Variants in CHRM5 observed in about 807,000 individuals in gnomAD.
CHRM5 encodes the protein muscarinic acetylcholine receptor M5.
A neutral mutation model predicts 39.0 loss-of-function variants in CHRM5; 18 were observed. The ratio of observed to expected loss-of-function variants is 0.46; its 90% CI spans 0.32 to 0.68. CHRM5 has a LOEUF of 0.68. Among genes scored for constraint, CHRM5 ranks in the 30% least tolerant of loss-of-function variants. The probability of loss-of-function intolerance (pLI) is 0.04; values close to 1 mark genes in which losing one functional copy is unlikely to be tolerated. For synonymous variants in CHRM5, 241 were observed against 246.3 expected (o/e 0.98, Z 0.20); for missense variants, 515 against 651.1 (o/e 0.79, Z 2.28).
At chr15:34,020,707 A>ACTTAC (rs1487876265) in intron 1 of CHRM5, among the ~76,000 whole-genome samples, 1 of 152,216 alleles carries the variant, frequency 6.6e-6, no homozygotes, top group East Asian at 1.9e-4. Context: ...CCCTTGACTG[A>ACTTAC]ATTACGACCT....
At chr15:33,977,700 A>G (rs1307817811) in intron 1 of CHRM5, among the ~76,000 whole-genome samples, 1 of 152,172 alleles carries the variant, frequency 6.6e-6, no homozygotes, top group Non-Finnish European at 1.5e-5. Flanking sequence ...AACGTTCTCT[A>G]TTACACTCTA....
At chr15:34,038,689 G>A (rs1361223965) in intron 1 of CHRM5, 2 of 1,075,876 alleles carry the variant, frequency 1.9e-6, no homozygotes, top group Non-Finnish European at 2.3e-6. Context: ...GCGCGCGCCT[G>A]GCACGCTCTC....
In CHRM5 at chr15:34,023,486, C is replaced by G. The variant is rs530455518; in HGVS notation, c.-407-23054C>G. Among the ~76,000 whole-genome samples, 36 of 152,310 alleles carry G rather than the reference C, an allele frequency of 2.4e-4. No homozygotes were observed. In the South Asian group the frequency reaches 7.5e-3, roughly 32 times the overall value. ...CAGGCGCAGCCCACCTCTCACCTTC[C>G]TCTTGATGATGCTGTCAGGGTAGAG... On this transcript the variant is annotated intron_variant, in intron 1 of 2. Transcript: ENST00000383263.
At chr15:34,003,134 C>T (rs373290673) in intron 1 of CHRM5, 2 of 1,613,854 alleles carry the variant, frequency 1.2e-6, no homozygotes, top group African/African-American at 1.3e-5. Context: ...CAGTTAGAGA[C>T]AATCTTTCTT....
intron 1 of CHRM5, among the ~76,000 whole-genome samples, chr15:34,000,163 G>T (rs2140613177): frequency 6.6e-6 from 1 of 152,152 alleles, no homozygotes; most frequent in South Asian, 2.1e-4. Flanking sequence ...AAGACCCCTG[G>T]CTACTTCTAA....
intron 1 of CHRM5, among the ~76,000 whole-genome samples, chr15:33,970,485 T>C (rs551975784): frequency 1.3e-5 from 2 of 152,060 alleles, no homozygotes; most frequent in South Asian, 4.2e-4. Flanking sequence ...ATACCAGACA[T>C]AACTAAAAGT....
intron 1 of CHRM5, among the ~76,000 whole-genome samples, chr15:33,995,713 G>A (rs1018314970): frequency 3.9e-5 from 6 of 152,208 alleles, no homozygotes; most frequent in Admixed American, 1.3e-4. Flanking sequence ...CCATTAGTGG[G>A]ACATTATATC....
Position 34,004,640 on chromosome 15 carries a change from T to C in CHRM5, c.-408+35490T>C, listed in dbSNP as rs1043013678. Among the ~76,000 whole-genome samples, 13 of 152,270 alleles carry C rather than the reference T, an allele frequency of 8.5e-5. 1 individual carries two copies. The highest frequency in any genetic ancestry group is 3.9e-4 in the Admixed American group (6 of 15,288). Reference sequence around the variant, plus strand: ...CTTTTAGATATAAACACTGAACTCTTTATGGATGAAAAGATAGGACATGTG... The same window carrying C: ...CTTTTAGATATAAACACTGAACTCTCTATGGATGAAAAGATAGGACATGTG... On this transcript the variant is annotated intron_variant, in intron 1 of 2. Transcript: ENST00000383263.
chr15:34,038,296 T>C (rs934311241), intron 1 of CHRM5, among the ~76,000 whole-genome samples: 9 of 152,218 alleles, frequency 5.9e-5, no homozygotes, highest in African/African-American at 1.7e-4. Flanking sequence ...ATTATGCGCC[T>C]ACTGTGTACT....
chr15:34,062,496 A>G, intron 2 of CHRM5, 147 bp from the exon 3 acceptor site: 1 of 465,452 alleles, frequency 2.1e-6, no homozygotes, highest in Non-Finnish European at 3.7e-6. Context: ...CGGAGCTTGT[A>G]GAGAGCTGAG....
At position 34,065,696 on chromosome 15, in the gene CHRM5, C is replaced by T. The variant is rs2140851367; in HGVS notation, c.*1380C>T. ...ACAGCATGAGGATTATTAAAAACCA[C>T]ACTTAATTGAAATCTCTAAGTGCGT... On this transcript the variant is annotated 3_prime_UTR_variant, in exon 3 of 3. Coordinates refer to ENST00000383263, the MANE Select transcript of CHRM5 (RefSeq NM_012125.4). The T allele has an allele frequency of 6.6e-6, 1 of 152,262 alleles. No individual in the cohort carries two copies. Among genetic ancestry groups the T allele is most frequent in the African/African-American group, 2.4e-5 (1 of 41,554 alleles). 9.4% of individuals were successfully genotyped at this position (152,262 alleles called of 1,614,324 possible).
chr15:33,988,942 T>C (rs972918697), intron 1 of CHRM5, among the ~76,000 whole-genome samples: 1 of 152,262 alleles, frequency 6.6e-6, no homozygotes, highest in African/African-American at 2.4e-5. Flanking sequence ...CCCTGTATTT[T>C]AGTTTAAGCA....
chr15:34,024,898 C>T (rs563987494), intron 1 of CHRM5, among the ~76,000 whole-genome samples: 1 of 145,832 alleles, frequency 6.9e-6, no homozygotes, highest in African/African-American at 2.5e-5. Flanking sequence ...AGAAAGGTGG[C>T]GAGGCCGGGC....
chr15:34,022,208 T>C (rs1236070599), intron 1 of CHRM5, among the ~76,000 whole-genome samples: 8 of 152,194 alleles, frequency 5.3e-5, no homozygotes, highest in Non-Finnish European at 1.2e-4. Context: ...TGGCCCCATG[T>C]TAGCAAAAAT....
chr15:33,992,679 G>A (rs1472779823), intron 1 of CHRM5, among the ~76,000 whole-genome samples: 1 of 151,978 alleles, frequency 6.6e-6, no homozygotes. Context: ...AAAAAAATGA[G>A]CTGAATCAAT....
In CHRM5 at chr15:33,983,158, G is replaced by GTGTATA. The variant is rs1373777751; in HGVS notation, c.-408+14009_-408+14010insGTATAT. Among the ~76,000 whole-genome samples, 511 of 136,300 alleles carry GTGTATA rather than the reference G, an allele frequency of 3.7e-3. 3 individuals carry two copies. The highest frequency in any genetic ancestry group is 0.014 in the African/African-American group (493 of 35,294). The allele number at this position is 136,300 out of a possible 152,430, so 89.4% of individuals were successfully genotyped here. ...TGTGTGTGTGTGTGTGTGTGTGTGT[G>GTGTATA]TATGTGTGTGTGTATATATACACAC... is the stretch of plus-strand genomic sequence containing the variant. On this transcript the variant is annotated intron_variant, in intron 1 of 2. Coordinates refer to ENST00000383263, the MANE Select transcript of CHRM5 (RefSeq NM_012125.4).
In CHRM5 at chr15:34,064,626, A is replaced by G. The variant is rs866160982; in HGVS notation, c.*310A>G. Reference sequence around the variant, plus strand: ...ACTGGGTAACAATGAACAGTGACTCAGGGAACTTATGCCCCTTCTGTAGGA... The same window carrying G: ...ACTGGGTAACAATGAACAGTGACTCGGGGAACTTATGCCCCTTCTGTAGGA... On this transcript the variant is annotated 3_prime_UTR_variant, in exon 3 of 3. Coordinates refer to ENST00000383263, the MANE Select transcript of CHRM5 (RefSeq NM_012125.4). 2.9e-5 allele frequency: 10 copies of G among 340,536 alleles called. No individual in the cohort carries two copies. The highest frequency in any genetic ancestry group is 1.8e-3 in the Middle Eastern group (2 of 1,120). The allele number at this position is 340,536 out of a possible 1,614,324, so 21.1% of individuals were successfully genotyped here.
At chr15:34,037,004 G>A (rs1017280580) in intron 1 of CHRM5, among the ~76,000 whole-genome samples, 4 of 152,022 alleles carry the variant, frequency 2.6e-5, no homozygotes, top group Admixed American at 6.6e-5. Context: ...AGCTACTTGG[G>A]AGGCTGAGGC....
chr15:33,978,468 A>ATG (rs1895990768), intron 1 of CHRM5, among the ~76,000 whole-genome samples: 1 of 152,196 alleles, frequency 6.6e-6, no homozygotes, highest in Admixed American at 6.5e-5. Flanking sequence ...GTTCAAAACC[A>ATG]GCCTGATCAA....
Sources: allele counts gnomAD v4.1 joint callset (sites outside exome capture counted in the v4.1 genomes callset), GRCh38; gene constraint gnomAD v4.1.1; transcripts MANE v1.5; gene names NCBI Gene and HGNC (gene_info 2026-07-23, HGNC 2026-07-21).